ZNF385D: variants seen among roughly 807,000 people sequenced by gnomAD.
The protein encoded by ZNF385D is zinc finger protein 385D, also known as zinc finger protein 659.
Under a neutral mutation model 35.8 loss-of-function variants are expected in ZNF385D, and 15 were observed. The observed-to-expected ratio is 0.42, with a 90% confidence interval of 0.28 to 0.64. The LOEUF (loss-of-function observed/expected upper bound fraction) is 0.64. Ranked by LOEUF, ZNF385D falls within the 30% of genes least tolerant of loss-of-function variation. The pLI is 0.23. For synonymous variants in ZNF385D, 212 were observed against 186.8 expected (o/e 1.13, Z -1.10); for missense variants, 474 against 494.6 (o/e 0.96, Z 0.39).
intron 3 of ZNF385D, among the ~76,000 whole-genome samples, chr3:21,918,426 G>GC (rs1700298517): frequency 6.6e-6 from 1 of 151,922 alleles, no homozygotes; most frequent in Admixed American, 6.6e-5. Flanking sequence ...GTAAAAGTAG[G>GC]GACTTTTAAG....
intron 4 of ZNF385D, among the ~76,000 whole-genome samples, chr3:21,438,384 C>A (rs1701681188): frequency 6.6e-6 from 1 of 152,080 alleles, no homozygotes; most frequent in African/African-American, 2.4e-5. Flanking sequence ...GAGACTTGGC[C>A]AGGATGTAAG....
intron 3 of ZNF385D, among the ~76,000 whole-genome samples, chr3:21,853,998 C>T (rs1696564410): frequency 6.6e-6 from 1 of 151,540 alleles, no homozygotes; most frequent in Admixed American, 6.6e-5. Flanking sequence ...TATTCTATAC[C>T]TTTAGGTGGT....
chr3:21,511,812 T>G (rs1707232161), intron 3 of ZNF385D: 1 of 452,568 alleles, frequency 2.2e-6, no homozygotes, highest in Non-Finnish European at 4.4e-6. Flanking sequence ...ATGTTTTATT[T>G]TCCTAAGAGC....
At chr3:22,044,153 G>A (rs1698843856) in intron 3 of ZNF385D, among the ~76,000 whole-genome samples, 1 of 150,790 alleles carries the variant, frequency 6.6e-6, no homozygotes, top group Admixed American at 6.6e-5. Context: ...TGATTGTACA[G>A]AACAGCCTGC....
chr3:21,635,706 C>T (rs1293691867), intron 2 of ZNF385D, among the ~76,000 whole-genome samples: 1 of 152,056 alleles, frequency 6.6e-6, no homozygotes. Context: ...ATTCCTCACC[C>T]TCCCTGTCAT....
chr3:21,862,293 C>CCT (rs530010560), intron 3 of ZNF385D, among the ~76,000 whole-genome samples: 6 of 142,900 alleles, frequency 4.2e-5, no homozygotes, highest in Non-Finnish European at 7.6e-5. Flanking sequence ...GATATCTCTA[C>CCT]TTTTTTTTTT....
rs571978176 is a variant in ZNF385D at position 22,164,216 on chromosome 3, C to CTTTTTTTTTTTTTTTTTTTTTT, written c.325+4579_325+4600dup. On this transcript the variant is annotated intron_variant, in intron 3 of 5. Transcript: ENST00000494108. Reference sequence around the variant, plus strand: ...CACTATAGGTAATACAAAAGGAGCACTTTTTTTTTTTTTTTTTTTTTTTTT... The same window carrying CTTTTTTTTTTTTTTTTTTTTTT: ...CACTATAGGTAATACAAAAGGAGCACTTTTTTTTTTTTTTTTTTTTTTTTTTTTTTTTTTTTTTTTTTTTTTT... Among the ~76,000 whole-genome samples, 58 of 74,944 alleles carry CTTTTTTTTTTTTTTTTTTTTTT rather than the reference C, an allele frequency of 7.7e-4. 5 individuals are homozygous for CTTTTTTTTTTTTTTTTTTTTTT. Among genetic ancestry groups the CTTTTTTTTTTTTTTTTTTTTTT allele is most frequent in the East Asian group, 1.7e-3 (3 of 1,738 alleles). The allele number at this position is 74,944 out of a possible 152,430, so 49.2% of individuals were successfully genotyped here. A position where few individuals can be genotyped will look rare whatever the true frequency, so the allele number is the denominator to read the frequency against.
At chr3:21,962,207 G>T (rs946691294) in intron 3 of ZNF385D, among the ~76,000 whole-genome samples, 1 of 152,120 alleles carries the variant, frequency 6.6e-6, no homozygotes, top group African/African-American at 2.4e-5. Context: ...TATTTGGCTA[G>T]AATCCTGGTG....
chr3:21,894,769 T>C (rs1373878281), intron 3 of ZNF385D, among the ~76,000 whole-genome samples: 1 of 152,162 alleles, frequency 6.6e-6, no homozygotes, highest in Non-Finnish European at 1.5e-5. Context: ...GTTTAAATCT[T>C]ACAAGCAGCA....
chr3:22,354,937 A>G (rs1274461871), intron 2 of ZNF385D, among the ~76,000 whole-genome samples: 1 of 152,110 alleles, frequency 6.6e-6, no homozygotes, highest in Non-Finnish European at 1.5e-5. Context: ...ACAGGAAAAC[A>G]CAGATATAGG....
chr3:22,109,164 G>T (rs1702381616), intron 3 of ZNF385D, among the ~76,000 whole-genome samples: 1 of 152,158 alleles, frequency 6.6e-6, no homozygotes, highest in Non-Finnish European at 1.5e-5. Flanking sequence ...CCTTCAAGCT[G>T]CAGATAACTA....
intron 2 of ZNF385D, among the ~76,000 whole-genome samples, chr3:22,229,199 T>A (rs1008336536): frequency 2.0e-5 from 3 of 152,210 alleles, no homozygotes; most frequent in African/African-American, 7.2e-5. Context: ...GTTTCACCAG[T>A]CATTTTGTTT....
At chr3:21,796,301 AT>A (rs1367633937) in intron 3 of ZNF385D, among the ~76,000 whole-genome samples, 1 of 152,206 alleles carries the variant, frequency 6.6e-6, no homozygotes, top group Non-Finnish European at 1.5e-5. Context: ...TAAGACCAGC[AT>A]TATCCTTATA....
At chr3:21,896,458 A>G (rs763490341) in intron 3 of ZNF385D, among the ~76,000 whole-genome samples, 3 of 152,186 alleles carry the variant, frequency 2.0e-5, no homozygotes, top group Non-Finnish European at 2.9e-5. Flanking sequence ...GGGTTCTACA[A>G]TCAGATATAC....
At chr3:22,200,906 C>G (rs1264416386) in intron 2 of ZNF385D, among the ~76,000 whole-genome samples, 3 of 152,172 alleles carry the variant, frequency 2.0e-5, no homozygotes, top group East Asian at 3.9e-4. Flanking sequence ...GGTTATCTCT[C>G]TTGTTCCCTC....
chr3:21,754,160 A>G (rs1028635113), upstream of ZNF385D, among the ~76,000 whole-genome samples: 4 of 152,158 alleles, frequency 2.6e-5, no homozygotes, highest in Non-Finnish European at 5.9e-5. Context: ...TTTCTTCAAC[A>G]TATTATTTTT....
chr3:21,574,597 T>C (rs2125686712), intron 2 of ZNF385D, among the ~76,000 whole-genome samples: 1 of 152,262 alleles, frequency 6.6e-6, no homozygotes, highest in South Asian at 2.1e-4. Flanking sequence ...GAAAAATCAT[T>C]ATCATTATAA....
At chr3:21,955,498 C>G (rs1846165) in intron 3 of ZNF385D, among the ~76,000 whole-genome samples, 103,729 of 151,956 alleles carry the variant, frequency 0.68, 36,552 homozygotes, top group Non-Finnish European at 0.77. Flanking sequence ...TCTGATGCAT[C>G]TTAAGAAATC....
At chr3:22,172,622 C>T (rs761333546) in intron 2 of ZNF385D, among the ~76,000 whole-genome samples, 13 of 152,060 alleles carry the variant, frequency 8.5e-5, no homozygotes, top group Non-Finnish European at 1.5e-4. Context: ...CCCTACAATT[C>T]GTGTAACCTA....
Sources: allele counts gnomAD v4.1 joint callset (sites outside exome capture counted in the v4.1 genomes callset), GRCh38; gene constraint gnomAD v4.1.1; transcripts MANE v1.5; gene names NCBI Gene and HGNC (gene_info 2026-07-23, HGNC 2026-07-21).